The following RPS6KC1 variants were observed in gnomAD, a reference collection of about 807,000 sequenced individuals.
RPS6KC1 encodes the protein inactive ribosomal protein S6 kinase delta-1.
RPS6KC1 carries 54 observed loss-of-function variants against 103.8 expected under a neutral mutation model. The ratio of observed to expected loss-of-function variants is 0.52; its 90% CI spans 0.42 to 0.65. The LOEUF (loss-of-function observed/expected upper bound fraction) is 0.65. Among genes scored for constraint, RPS6KC1 ranks in the 30% least tolerant of loss-of-function variants. The pLI is 0.00. For synonymous variants in RPS6KC1, 439 were observed against 438.7 expected (o/e 1.00, Z -0.01); for missense variants, 1,151 against 1,253.8 (o/e 0.92, Z 1.24).
intron 9 of RPS6KC1, among the ~76,000 whole-genome samples, chr1:213,231,384 C>A (rs1348824416): frequency 6.6e-6 from 1 of 151,994 alleles, no homozygotes; most frequent in Non-Finnish European, 1.5e-5. Context: ...GAGAGAGAAC[C>A]CTCAATTTTG....
chr1:213,295,890 C>G, the RPS6KC1 span, among the ~76,000 whole-genome samples: 1 of 152,252 alleles, frequency 6.6e-6, no homozygotes, highest in South Asian at 2.1e-4. Flanking sequence ...ATGTGCAATT[C>G]ATTGTGTTAG....
chr1:213,277,522 GCCTT>G (rs1254530662), downstream of RPS6KC1, among the ~76,000 whole-genome samples: 6 of 152,214 alleles, frequency 3.9e-5, no homozygotes, highest in Admixed American at 6.5e-5. Flanking sequence ...GCAATAGAGA[GCCTT>G]CTTTATTCAT....
chr1:213,665,294 T>C, the RPS6KC1 span, among the ~76,000 whole-genome samples: 1 of 152,008 alleles, frequency 6.6e-6, no homozygotes, highest in Non-Finnish European at 1.5e-5. Flanking sequence ...ACAAAGAGGT[T>C]AAGATCCTTA....
chr1:213,515,600 T>G, the RPS6KC1 span, among the ~76,000 whole-genome samples: 5 of 152,116 alleles, frequency 3.3e-5, no homozygotes, highest in Admixed American at 6.6e-5. Context: ...TCTCTGTTTT[T>G]GTACCAGTAC....
intron 12 of RPS6KC1, among the ~76,000 whole-genome samples, chr1:213,243,880 A>G (rs1360094494): frequency 1.3e-5 from 2 of 152,220 alleles, no homozygotes; most frequent in Non-Finnish European, 2.9e-5. Flanking sequence ...GATGATAATA[A>G]GGATTAAAAG....
chr1:213,663,001 G>T, the RPS6KC1 span, among the ~76,000 whole-genome samples: 1 of 152,308 alleles, frequency 6.6e-6, no homozygotes, highest in Non-Finnish European at 1.5e-5. Context: ...TCGCTAATAT[G>T]TTAGTGTTTT....
intron 1 of RPS6KC1, among the ~76,000 whole-genome samples, chr1:213,057,752 CTTTTTTTTTTT>C (rs869259657): frequency 2.3e-4 from 17 of 73,700 alleles, no homozygotes; most frequent in Non-Finnish European, 3.4e-4. Flanking sequence ...TCTGAAGTAT[CTTTTTTTTTTT>C]TTTTTTTTTT....
downstream of RPS6KC1, among the ~76,000 whole-genome samples, chr1:213,276,989 A>T (rs1014474359): frequency 6.6e-6 from 1 of 152,172 alleles, no homozygotes; most frequent in African/African-American, 2.4e-5. Flanking sequence ...AATCAGAGTA[A>T]AAAATGGATA....
At chr1:213,368,918 C>T in the RPS6KC1 span, among the ~76,000 whole-genome samples, 1 of 152,186 alleles carries the variant, frequency 6.6e-6, no homozygotes, top group Non-Finnish European at 1.5e-5. Flanking sequence ...TGTAGTATCT[C>T]CAAATCAACA....
intron 8 of RPS6KC1, 35 bp downstream of exon 8, chr1:213,176,527 T>A: frequency 7.4e-7 from 1 of 1,343,376 alleles, no homozygotes; most frequent in Non-Finnish European, 1.1e-6. Flanking sequence ...AGTTCAGTCA[T>A]AAATCGACTG....
the RPS6KC1 span, among the ~76,000 whole-genome samples, chr1:213,380,603 A>G: frequency 1.3e-5 from 2 of 152,182 alleles, no homozygotes; most frequent in Non-Finnish European, 2.9e-5. Flanking sequence ...TGTATTGATT[A>G]ATTTGTGATA....
At chr1:213,397,549 G>A in the RPS6KC1 span, among the ~76,000 whole-genome samples, 1 of 150,890 alleles carries the variant, frequency 6.6e-6, no homozygotes, top group South Asian at 2.1e-4. Flanking sequence ...AATCTGGGGT[G>A]TGAGGGGTGC....
chr1:213,250,366 T>C (rs2094525259), intron 12 of RPS6KC1, among the ~76,000 whole-genome samples: 1 of 152,226 alleles, frequency 6.6e-6, no homozygotes, highest in Admixed American at 6.5e-5. Context: ...AAACAGTTCA[T>C]GTACCCTGCT....
chr1:213,268,989 T>C (rs1381949820), intron 14 of RPS6KC1, among the ~76,000 whole-genome samples: 1 of 152,060 alleles, frequency 6.6e-6, no homozygotes, highest in East Asian at 1.9e-4. Context: ...ATAGCAAATA[T>C]AAACCCACCG....
chr1:213,152,244 T>C (rs1310297848), intron 6 of RPS6KC1, among the ~76,000 whole-genome samples: 5 of 124,802 alleles, frequency 4.0e-5, no homozygotes, highest in Non-Finnish European at 6.7e-5. Flanking sequence ...TGCCCCCACC[T>C]CCCTCCCGGA....
the RPS6KC1 span, among the ~76,000 whole-genome samples, chr1:213,721,301 T>G: frequency 6.6e-6 from 1 of 152,342 alleles, no homozygotes; most frequent in Non-Finnish European, 1.5e-5. Flanking sequence ...CACCTTGAAT[T>G]ATAGCTCCCA....
At chr1:213,185,465 G>C (rs1231452619) in intron 8 of RPS6KC1, among the ~76,000 whole-genome samples, 1 of 152,036 alleles carries the variant, frequency 6.6e-6, no homozygotes, top group Non-Finnish European at 1.5e-5. Flanking sequence ...TGGCCAACAT[G>C]GTGAAACCCC....
chr1:213,562,080 C>A, the RPS6KC1 span, among the ~76,000 whole-genome samples: 1 of 152,046 alleles, frequency 6.6e-6, no homozygotes, highest in African/African-American at 2.4e-5. Context: ...CTGGGCTTGG[C>A]GATGTCAATT....
At chr1:213,284,625 C>G in the RPS6KC1 span, among the ~76,000 whole-genome samples, 1 of 69,552 alleles carries the variant, frequency 1.4e-5, no homozygotes, top group East Asian at 4.3e-4. Context: ...AAGAAAGTGC[C>G]AGATATTGAA....
Sources: allele counts gnomAD v4.1 joint callset (sites outside exome capture counted in the v4.1 genomes callset), GRCh38; gene constraint gnomAD v4.1.1; transcripts MANE v1.5; gene names NCBI Gene and HGNC (gene_info 2026-07-23, HGNC 2026-07-21).